PARP4: variants seen among roughly 807,000 people sequenced by gnomAD.
The protein encoded by PARP4 is poly(ADP-ribose) polymerase family member 4.
In PARP4, 120 loss-of-function variants were observed where a neutral mutation model predicts 187.7. The ratio of observed to expected loss-of-function variants is 0.64; its 90% CI spans 0.55 to 0.74. PARP4 has a LOEUF of 0.74. Among genes scored for constraint, PARP4 ranks in the 30% least tolerant of loss-of-function variants. The probability of loss-of-function intolerance (pLI) is 0.00; values close to 1 mark genes in which losing one functional copy is unlikely to be tolerated. For missense variants in PARP4, 1,836 were observed against 2,070.5 expected (o/e 0.89, Z 2.20); for synonymous variants, 654 against 740.9 (o/e 0.88, Z 1.90).
chr13:24,487,242 G>A (rs1240101555), intron 10 of PARP4, among the ~76,000 whole-genome samples: 2 of 143,414 alleles, frequency 1.4e-5, no homozygotes, highest in Non-Finnish European at 3.0e-5. Context: ...CCTGGCCACA[G>A]AGCAAGGCTC....
chr13:24,430,216 C>T (rs1870265269), intron 32 of PARP4, among the ~76,000 whole-genome samples: 1 of 152,198 alleles, frequency 6.6e-6, no homozygotes, highest in Admixed American at 6.5e-5. Flanking sequence ...GCAGGTCAAA[C>T]AGGCTATGCA....
intron 30 of PARP4, among the ~76,000 whole-genome samples, chr13:24,439,098 A>G (rs1870785052): frequency 6.6e-6 from 1 of 152,206 alleles, no homozygotes; most frequent in Non-Finnish European, 1.5e-5. Context: ...TTTAGTATGA[A>G]ATAATTTATC....
chr13:24,505,160 GAGAA>G (rs974996989), intron 1 of PARP4, among the ~76,000 whole-genome samples: 2 of 149,016 alleles, frequency 1.3e-5, no homozygotes, highest in Non-Finnish European at 3.0e-5. Flanking sequence ...ACACACAGAG[GAGAA>G]AGAAAGAGAG....
At position 24,498,164 on chromosome 13, in the gene PARP4, G is replaced by A. The variant is rs1869063032; in HGVS notation, c.543C>T (p.Asp181=). 6.2e-7 allele frequency: 1 copy of A among 1,613,988 alleles called. No individual in the cohort carries two copies. Among genetic ancestry groups the A allele is most frequent in the Non-Finnish European group, 8.5e-7 (1 of 1,179,954 alleles). ...VELQCSRDSR[D]CPFLISSHFL... is the part of the protein sequence containing the mutation. ...AGTGTGAGGATATCAGGAAAGGACAGTCCCTGGAGTCCCGCGAACACTGAA... is the reference window on the plus strand; with the variant it reads ...AGTGTGAGGATATCAGGAAAGGACAATCCCTGGAGTCCCGCGAACACTGAA... The change falls in exon 6 of 34, where the codon GAC becomes GAT. Residue 181 remains aspartate (D), a synonymous_variant. Transcript: ENST00000381989.
intron 21 of PARP4, among the ~76,000 whole-genome samples, chr13:24,455,503 ATAT>A (rs1385235418): frequency 2.9e-5 from 4 of 136,796 alleles, no homozygotes; most frequent in African/African-American, 1.1e-4. Context: ...ATATATATAT[ATAT>A]CACACTATTC....
chr13:24,502,282 T>C (rs12872924), intron 2 of PARP4, among the ~76,000 whole-genome samples: 42,708 of 152,174 alleles, frequency 0.28, 6,663 homozygotes, highest in South Asian at 0.46. Flanking sequence ...CAGCCTCAAG[T>C]GATTCTCCCA....
At chr13:24,508,755 C>G (rs908854872) in intron 1 of PARP4, among the ~76,000 whole-genome samples, 2 of 152,182 alleles carry the variant, frequency 1.3e-5, no homozygotes, top group Non-Finnish European at 2.9e-5. Flanking sequence ...CTTAAGTGAT[C>G]TGCACACCTT....
chr13:24,480,590 AG>A (rs1352543317), intron 12 of PARP4, among the ~76,000 whole-genome samples: 3 of 152,254 alleles, frequency 2.0e-5, no homozygotes, highest in African/African-American at 7.2e-5. Flanking sequence ...ATGATAACAA[AG>A]CAAAACAGCC....
chr13:24,477,176 C>T (rs187308751), intron 14 of PARP4, among the ~76,000 whole-genome samples: 63 of 152,142 alleles, frequency 4.1e-4, no homozygotes, highest in Non-Finnish European at 6.6e-4. Context: ...TTGTTATGTA[C>T]GCAAGATAAA....
In PARP4 at chr13:24,497,182, TGATA is replaced by T. The variant is rs1231463598; in HGVS notation, c.591+930_591+933del. Among the ~76,000 whole-genome samples the T allele has an allele frequency of 2.2e-4, 33 of 149,546 alleles. No homozygotes were observed. The South Asian group carries it at 2.4e-3, about 11-fold the overall frequency. ...TTAGATTGGAACTGTGCTCTTGACC[TGATA>T]CTGACCTAGGGCAAAGGTATGGCCT... On this transcript the variant is annotated intron_variant, in intron 6 of 33. Transcript: ENST00000381989.
In PARP4 at chr13:24,435,461, G is replaced by A; in HGVS notation, c.3680C>T (p.Ser1227Phe). 1 of 1,589,642 alleles carries A rather than the reference G, an allele frequency of 6.3e-7. No homozygotes were observed. The highest frequency in any genetic ancestry group is 8.5e-7 in the Non-Finnish European group (1 of 1,173,136). Residue 1227 changes from serine (S) to phenylalanine (F), a missense_variant, in exon 31 of 34, where the codon TCC (serine) becomes TTC (phenylalanine). Coordinates refer to ENST00000381989, the MANE Select transcript of PARP4 (RefSeq NM_006437.4). The stretch of plus-strand genomic sequence containing the variant: ...TAAACGTAATTCTGGCCACTCAGAG[G>A]ATGCTAAAAGAGACTGCCCAGAAGA... Reference protein sequence around the residue: ...EAVRNQSLLASSEWPELRLSK... With the variant: ...EAVRNQSLLAFSEWPELRLSK...
intron 2 of PARP4, among the ~76,000 whole-genome samples, chr13:24,502,918 C>G (rs1869385199): frequency 6.6e-6 from 1 of 152,214 alleles, no homozygotes; most frequent in Non-Finnish European, 1.5e-5. Context: ...TGGCCAAGCC[C>G]CAGGGCTGAG....
At chr13:24,453,176 T>C (rs1222614125) in intron 23 of PARP4, among the ~76,000 whole-genome samples, 1 of 152,138 alleles carries the variant, frequency 6.6e-6, no homozygotes, top group Non-Finnish European at 1.5e-5. Flanking sequence ...CCTCAGGTGA[T>C]CCACCCGCCC....
At chr13:24,496,765 C>T (rs1868980589) in intron 6 of PARP4, among the ~76,000 whole-genome samples, 1 of 152,238 alleles carries the variant, frequency 6.6e-6, no homozygotes, top group Non-Finnish European at 1.5e-5. Context: ...TGGCTCATGC[C>T]TGTAATCCCA....
chr13:24,502,051 T>C (rs9581090), intron 2 of PARP4, among the ~76,000 whole-genome samples: 15,113 of 152,232 alleles, frequency 0.099, 801 homozygotes, highest in Non-Finnish European at 0.12. Context: ...TGCACCATAA[T>C]TGATTAACCC....
chr13:24,497,726 T>C (rs1456696667), intron 6 of PARP4, among the ~76,000 whole-genome samples: 1 of 152,170 alleles, frequency 6.6e-6, no homozygotes, highest in Admixed American at 6.5e-5. Context: ...GACAGAGCCT[T>C]TCAAGAGGTA....
intron 23 of PARP4, among the ~76,000 whole-genome samples, chr13:24,452,948 T>C (rs1481587178): frequency 6.8e-6 from 1 of 146,820 alleles, no homozygotes; most frequent in Non-Finnish European, 1.5e-5. Flanking sequence ...ATTTTTTTTT[T>C]CTTTGAGATG....
chr13:24,490,858 G>A, intron 9 of PARP4, 30 bp from the exon 10 acceptor site: 1 of 1,568,510 alleles, frequency 6.4e-7, no homozygotes, highest in Non-Finnish European at 8.7e-7. Context: ...ACAGATGTCA[G>A]AATCACCACA....
At chr13:24,445,572 T>A (rs1288768353) in intron 27 of PARP4, among the ~76,000 whole-genome samples, 2 of 152,288 alleles carry the variant, frequency 1.3e-5, no homozygotes, top group East Asian at 3.9e-4. Context: ...ACCCCAACTG[T>A]ATGTTAGACA....
Sources: gnomAD v4.1 joint callset for allele counts (sites outside exome capture counted in the v4.1 genomes callset) on GRCh38, gnomAD v4.1.1 for gene constraint, MANE v1.5 for transcripts, NCBI Gene and HGNC (gene_info 2026-07-23, HGNC 2026-07-21) for gene names.